Variants in ADAMTSL1 observed in about 807,000 individuals in gnomAD.
ADAMTSL1 encodes the protein ADAMTS-like protein 1.
ADAMTSL1 carries 126 observed loss-of-function variants against 201.8 expected under a neutral mutation model. That is an observed-to-expected ratio of 0.62 (90% CI 0.54 to 0.72). The LOEUF is 0.72. ADAMTSL1 is among the 30% of genes least tolerant of loss of function. ADAMTSL1 has a pLI of 0.00. For missense variants in ADAMTSL1, 2,679 were observed against 2,277.8 expected, an observed-to-expected ratio of 1.18 and a Z score of -3.59; for synonymous variants, 1,121 against 903.4, an observed-to-expected ratio of 1.24 and a Z score of -4.32.
intron 2 of ADAMTSL1, among the ~76,000 whole-genome samples, chr9:18,445,982 A>C (rs1440268735): frequency 6.6e-6 from 1 of 152,124 alleles, no homozygotes; most frequent in South Asian, 2.1e-4. Context: ...TTATAGAATA[A>C]ACTGTGGTTC....
At chr9:18,360,997 G>A (rs996954444) in intron 2 of ADAMTSL1, among the ~76,000 whole-genome samples, 27 of 152,140 alleles carry the variant, frequency 1.8e-4, no homozygotes, top group African/African-American at 4.8e-4. Flanking sequence ...ATGTATCTCA[G>A]AAAAATGGTG....
chr9:18,574,412 GA>G, intron 4 of ADAMTSL1, 146 bp downstream of exon 4: 1 of 800,196 alleles, frequency 1.2e-6, no homozygotes, highest in Middle Eastern at 2.5e-4. Context: ...ATTAAGGTAT[GA>G]TTTCAGTGAA....
chr9:18,147,468 T>C (rs1230484051), intron 1 of ADAMTSL1, among the ~76,000 whole-genome samples: 3 of 152,104 alleles, frequency 2.0e-5, no homozygotes, highest in Admixed American at 2.0e-4. Flanking sequence ...CATTCACTGC[T>C]TGGAACCAAC....
At chr9:18,718,210 C>T in intron 14 of ADAMTSL1, 3 of 774,384 alleles carry the variant, frequency 3.9e-6, no homozygotes, top group Admixed American at 3.5e-5. Flanking sequence ...GGAACATCAT[C>T]AGTGTCTTTA....
chr9:18,690,175 C>T (rs1261520043), intron 13 of ADAMTSL1, among the ~76,000 whole-genome samples: 1 of 152,100 alleles, frequency 6.6e-6, no homozygotes, highest in Admixed American at 6.6e-5. Flanking sequence ...CAATAAGAGT[C>T]ACCATGGTGA....
intron 2 of ADAMTSL1, among the ~76,000 whole-genome samples, chr9:18,239,391 G>C (rs1427105042): frequency 6.6e-6 from 1 of 152,156 alleles, no homozygotes; most frequent in African/African-American, 2.4e-5. Flanking sequence ...GTAATTTGTT[G>C]CCATTTCAAG....
intron 2 of ADAMTSL1, among the ~76,000 whole-genome samples, chr9:18,290,990 C>G (rs1175805702): frequency 6.6e-6 from 1 of 151,962 alleles, no homozygotes; most frequent in East Asian, 1.9e-4. Flanking sequence ...ACCTTGTTAG[C>G]CAGGATGGTC....
At chr9:18,149,085 T>C (rs969392765) in intron 1 of ADAMTSL1, among the ~76,000 whole-genome samples, 11 of 152,054 alleles carry the variant, frequency 7.2e-5, no homozygotes, top group African/African-American at 2.4e-4. Flanking sequence ...GAGGAATAGA[T>C]GATTGATTCC....
chr9:18,653,293 C>A (rs1266755848), intron 7 of ADAMTSL1, among the ~76,000 whole-genome samples: 1 of 152,206 alleles, frequency 6.6e-6, no homozygotes, highest in African/African-American at 2.4e-5. Flanking sequence ...TTCCTGTCCT[C>A]CTCCTCCATC....
chr9:18,105,459 A>C (rs1011908492), intron 1 of ADAMTSL1, among the ~76,000 whole-genome samples: 1 of 152,188 alleles, frequency 6.6e-6, no homozygotes, highest in African/African-American at 2.4e-5. Flanking sequence ...AATATTGCAA[A>C]ATTGAAATCA....
intron 2 of ADAMTSL1, among the ~76,000 whole-genome samples, chr9:18,293,606 A>G (rs1028811370): frequency 6.6e-6 from 1 of 152,232 alleles, no homozygotes; most frequent in African/African-American, 2.4e-5. Flanking sequence ...TTCTCAGGCC[A>G]TACCAGAGTA....
intron 2 of ADAMTSL1, among the ~76,000 whole-genome samples, chr9:18,374,713 A>G (rs1237021342): frequency 6.6e-6 from 1 of 152,226 alleles, no homozygotes; most frequent in Non-Finnish European, 1.5e-5. Context: ...CGCATTGTAC[A>G]AATGAGTGGG....
At chr9:17,937,283 AG>A (rs746263404) in intron 1 of ADAMTSL1, among the ~76,000 whole-genome samples, 1 of 152,090 alleles carries the variant, frequency 6.6e-6, no homozygotes, top group Non-Finnish European at 1.5e-5. Context: ...TAGCCATTTC[AG>A]GGGAGGCTTT....
chr9:18,301,514 G>T (rs1049402700), intron 2 of ADAMTSL1, among the ~76,000 whole-genome samples: 2 of 151,998 alleles, frequency 1.3e-5, no homozygotes, highest in African/African-American at 4.8e-5. Context: ...TATAAATTGT[G>T]CACAGTAAGA....
intron 2 of ADAMTSL1, among the ~76,000 whole-genome samples, chr9:18,215,175 A>G (rs1194091509): frequency 6.6e-6 from 1 of 152,204 alleles, no homozygotes; most frequent in Non-Finnish European, 1.5e-5. Context: ...ATTTGAACAT[A>G]AAATAATACA....
At chr9:18,887,648 C>A (rs572687440) in intron 23 of ADAMTSL1, among the ~76,000 whole-genome samples, 183 bp from the exon 24 acceptor site, 1 of 152,098 alleles carries the variant, frequency 6.6e-6, no homozygotes, top group African/African-American at 2.4e-5. Context: ...TAGTCACCCT[C>A]CTAGAAATTC....
intron 1 of ADAMTSL1, among the ~76,000 whole-genome samples, chr9:18,034,707 T>A (rs1356987280): frequency 6.6e-6 from 1 of 152,210 alleles, no homozygotes; most frequent in Non-Finnish European, 1.5e-5. Flanking sequence ...TCTTACTTTC[T>A]CTACTCTGGC....
Position 18,662,013 on chromosome 9 carries a change from C to A in ADAMTSL1, c.1025C>A (p.Pro342Gln), listed in dbSNP as rs745610882. Residue 342 changes from proline (P) to glutamine (Q), a missense_variant, in exon 9 of 29, where the codon CCA becomes CAA. Pro to Gln is a moderately conservative substitution (Grantham distance 76, BLOSUM62 -1). Transcript: ENST00000380548. ...GCTGACCAATACTGTCACTATTACCCAGAGAACATCAAACCCAAACCCAAG... is the reference window on the plus strand; with the variant it reads ...GCTGACCAATACTGTCACTATTACCAAGAGAACATCAAACCCAAACCCAAG... ...VVADQYCHYY[P>Q]ENIKPKPKLQ... 2 of 1,613,964 alleles carry A rather than the reference C, an allele frequency of 1.2e-6. No individual in the cohort carries two copies. Among genetic ancestry groups the A allele is most frequent in the Admixed American group, 3.3e-5 (2 of 60,006 alleles).
chr9:18,592,626 T>C (rs558778150), intron 4 of ADAMTSL1, among the ~76,000 whole-genome samples: 10 of 152,296 alleles, frequency 6.6e-5, no homozygotes, highest in African/African-American at 2.4e-4. Flanking sequence ...TTACTATATC[T>C]CTGTAGTAAA....
Sources: gnomAD v4.1 joint callset for allele counts (sites outside exome capture counted in the v4.1 genomes callset) on GRCh38, gnomAD v4.1.1 for gene constraint, MANE v1.5 for transcripts, NCBI Gene and HGNC (gene_info 2026-07-23, HGNC 2026-07-21) for gene names.